Variants in PCDH15 observed in about 807,000 individuals in gnomAD.
PCDH15 encodes the protein protocadherin related 15.
In PCDH15, 129 loss-of-function variants were observed where a neutral mutation model predicts 178.5. That is an observed-to-expected ratio of 0.72 (90% confidence interval 0.63 to 0.84). The LOEUF is 0.84. PCDH15 is among the 40% of genes least tolerant of loss of function. The pLI is 0.00. For missense variants in PCDH15, 2,230 were observed against 2,099.9 expected (o/e 1.06, Z -1.21); for synonymous variants, 800 against 732.0 (o/e 1.09, Z -1.50).
At chr10:53,922,493 G>C (rs1281512563) in intron 25 of PCDH15, among the ~76,000 whole-genome samples, 1 of 152,138 alleles carries the variant, frequency 6.6e-6, no homozygotes, top group African/African-American at 2.4e-5. Flanking sequence ...ATTCAGGCCT[G>C]TCTGATACCA....
At chr10:54,149,041 C>A (rs996494892) in intron 14 of PCDH15, among the ~76,000 whole-genome samples, 8 of 147,498 alleles carry the variant, frequency 5.4e-5, no homozygotes, top group Non-Finnish European at 7.4e-5. Context: ...CCCAGTAACA[C>A]TGACTAATAA....
chr10:55,157,793 T>C (rs1398220987), intron 2 of PCDH15, among the ~76,000 whole-genome samples: 1 of 136,680 alleles, frequency 7.3e-6, no homozygotes, highest in East Asian at 2.2e-4. Context: ...CATCACACAC[T>C]GGGGCCTGCT....
chr10:54,658,645 TA>T (rs2094445608), intron 2 of PCDH15, among the ~76,000 whole-genome samples: 2 of 152,190 alleles, frequency 1.3e-5, no homozygotes, highest in African/African-American at 4.8e-5. Context: ...AAAGGACTTC[TA>T]AACATGCAAA....
intron 2 of PCDH15, among the ~76,000 whole-genome samples, chr10:55,165,230 T>A (rs1439634939): frequency 6.6e-6 from 1 of 152,018 alleles, no homozygotes; most frequent in East Asian, 1.9e-4. Flanking sequence ...CAATTTCATG[T>A]GATTTTTTTG....
rs73237645 is a variant in PCDH15, at chr10:54,089,815, T to C, written c.1997+169A>G. Among the ~76,000 whole-genome samples the C allele has an allele frequency of 0.099, 15,099 of 152,184 alleles. 1,088 individuals carry two copies. The highest frequency in any genetic ancestry group is 0.2 in the African/African-American group (8,388 of 41,496). On this transcript the variant is annotated intron_variant, in intron 16 of 37. Coordinates refer to ENST00000644397, the MANE Select transcript of PCDH15 (RefSeq NM_001384140.1). Reference sequence around the variant, plus strand: ...TGTTAAAAATAAACAGTCTCCTGGGTAATATTTCTGGGCTCAGAATTATCC... The same window carrying C: ...TGTTAAAAATAAACAGTCTCCTGGGCAATATTTCTGGGCTCAGAATTATCC...
intron 4 of PCDH15, among the ~76,000 whole-genome samples, chr10:54,373,595 T>A (rs1206882725): frequency 6.6e-6 from 1 of 151,998 alleles, no homozygotes; most frequent in East Asian, 1.9e-4. Flanking sequence ...AGTGAATTAT[T>A]AAGGACATTC....
chr10:55,599,786 G>C (rs1843029965), intron 2 of PCDH15: 2 of 486,412 alleles, frequency 4.1e-6, no homozygotes, highest in African/African-American at 4.0e-5. Context: ...ATCACCCCTA[G>C]CATTGCTAGT....
At chr10:55,542,140 A>G (rs1193189637) in intron 2 of PCDH15, among the ~76,000 whole-genome samples, 1 of 151,404 alleles carries the variant, frequency 6.6e-6, no homozygotes, top group African/African-American at 2.4e-5. Flanking sequence ...TATTATATAT[A>G]TATGTCTATA....
chr10:55,256,322 G>A (rs1305661581), intron 1 of PCDH15, among the ~76,000 whole-genome samples: 3 of 152,166 alleles, frequency 2.0e-5, no homozygotes, highest in Non-Finnish European at 4.4e-5. Context: ...GGTGATTTCT[G>A]CATTTCCAAC....
At chr10:55,403,604 C>A (rs2132027319) in intron 2 of PCDH15, among the ~76,000 whole-genome samples, 1 of 152,006 alleles carries the variant, frequency 6.6e-6, no homozygotes, top group East Asian at 1.9e-4. Flanking sequence ...GTTTTCACTG[C>A]ACCATTTATT....
intron 21 of PCDH15, among the ~76,000 whole-genome samples, chr10:53,989,577 A>C (rs2091327789): frequency 6.6e-6 from 1 of 152,132 alleles, no homozygotes; most frequent in African/African-American, 2.4e-5. Context: ...GACAAATGGG[A>C]GTCAGGCTGG....
At chr10:54,437,768 A>G (rs1211223828) in intron 3 of PCDH15, among the ~76,000 whole-genome samples, 1 of 152,208 alleles carries the variant, frequency 6.6e-6, no homozygotes, top group East Asian at 1.9e-4. Flanking sequence ...GCAATATACT[A>G]ATCCAATCAA....
intron 2 of PCDH15, among the ~76,000 whole-genome samples, chr10:54,657,371 C>T (rs1565872511): frequency 1.3e-5 from 2 of 152,182 alleles, no homozygotes; most frequent in Admixed American, 6.5e-5. Context: ...GGGTGGGTGC[C>T]TCCAGTCATT....
rs575053765 is a variant in PCDH15 at position 55,530,540 on chromosome 10, A to G, written c.-156+97085T>C. Among the ~76,000 whole-genome samples, 160 of 152,070 alleles carry G rather than the reference A, an allele frequency of 1.1e-3. 2 individuals carry two copies. The highest frequency in any genetic ancestry group is 3.7e-3 in the African/African-American group (154 of 41,510). On this transcript the variant is annotated intron_variant, in intron 2 of 5. Transcript: ENST00000613346. ...TCAGCTATGTTCTTTAAATTATTAG[A>G]CATCTTTGGATGAATATTCTTTTTT...
intron 3 of PCDH15, among the ~76,000 whole-genome samples, chr10:54,813,689 C>T (rs74136296): frequency 0.096 from 14,668 of 152,186 alleles, 829 homozygotes; most frequent in African/African-American, 0.16. Flanking sequence ...CTACAGCAAT[C>T]GTCTCTTAAC....
chr10:54,861,773 T>G (rs1171447985), intron 3 of PCDH15, among the ~76,000 whole-genome samples: 2 of 152,182 alleles, frequency 1.3e-5, no homozygotes, highest in East Asian at 1.9e-4. Flanking sequence ...GTTCACTGAT[T>G]ATATGATTTT....
intron 15 of PCDH15, among the ~76,000 whole-genome samples, chr10:54,105,923 T>C (rs1479707606): frequency 1.3e-5 from 2 of 152,206 alleles, no homozygotes; most frequent in Non-Finnish European, 2.9e-5. Context: ...TAAAGTGTAG[T>C]ATATGCAGAC....
At chr10:55,027,066 A>G (rs1840493119) in intron 2 of PCDH15, among the ~76,000 whole-genome samples, 1 of 151,998 alleles carries the variant, frequency 6.6e-6, no homozygotes. Flanking sequence ...TTGAGTCACA[A>G]TGTAATGGAT....
intron 25 of PCDH15, chr10:53,907,303 A>G (rs1420153420): frequency 1.3e-5 from 2 of 152,162 alleles, no homozygotes; most frequent in African/African-American, 4.8e-5. Flanking sequence ...TGTATCCTTT[A>G]TTTAATGTAG....
Sources: allele counts gnomAD v4.1 joint callset (sites outside exome capture counted in the v4.1 genomes callset), GRCh38; gene constraint gnomAD v4.1.1; transcripts MANE v1.5; gene names NCBI Gene and HGNC (gene_info 2026-07-23, HGNC 2026-07-21).